BPTF: variants seen among roughly 807,000 people sequenced by gnomAD.
BPTF encodes the protein bromodomain PHD finger transcription factor, also known as nucleosome-remodeling factor subunit BPTF.
BPTF carries 18 observed loss-of-function variants against 292.5 expected under a neutral mutation model. That is an observed-to-expected ratio of 0.06 (90% CI 0.04 to 0.09). BPTF has a LOEUF of 0.09. BPTF is among the 10% of genes least tolerant of loss of function. The pLI, the probability that BPTF is intolerant of heterozygous loss-of-function variation, is 1.00. For synonymous variants in BPTF, 1,225 were observed against 1,251.9 expected (o/e 0.98, Z 0.45); for missense variants, 2,726 against 3,498.7 (o/e 0.78, Z 5.57).
At chr17:67,922,272 G>A (rs2063504607) in intron 13 of BPTF, among the ~76,000 whole-genome samples, 2 of 152,122 alleles carry the variant, frequency 1.3e-5, no homozygotes, top group East Asian at 1.9e-4. Context: ...ATATGGGAAG[G>A]TTCAATGCTT....
intron 26 of BPTF, 24 bp from the exon 27 acceptor site, chr17:67,975,748 T>C (rs2069332579): frequency 1.9e-6 from 3 of 1,584,618 alleles, no homozygotes; most frequent in African/African-American, 1.4e-5. Flanking sequence ...GCTCTGAAAA[T>C]GTTTTACATT....
In BPTF at chr17:67,874,951, G is replaced by T; in HGVS notation, c.1795G>T (p.Asp599Tyr). Residue 599 changes from aspartate to tyrosine, a missense_variant, in exon 4 of 28, where the codon GAC becomes TAC. Asp to Tyr is a radical substitution (Grantham distance 160). Around this residue, in one of 22 missense-constraint regions of BPTF, gnomAD observed 187 missense variants for 201.5 expected, o/e 0.93. Transcript: ENST00000306378. ...DAEKNREEFEDQSLEKDSDDK... is the reference protein window; with the variant it reads ...DAEKNREEFEYQSLEKDSDDK... ...TGAGAAAAACAGAGAAGAATTTGAA[G>T]ACCAGTCCCTTGAAAAAGACAGTGA... The T allele has an allele frequency of 6.2e-7, 1 of 1,613,802 alleles. No homozygotes were observed. The highest frequency in any genetic ancestry group is 1.1e-5 in the South Asian group (1 of 91,032).
At chr17:67,843,642 A>G (rs2057758331) in intron 1 of BPTF, among the ~76,000 whole-genome samples, 1 of 150,046 alleles carries the variant, frequency 6.7e-6, no homozygotes, top group African/African-American at 2.4e-5. Context: ...ATATACAGAA[A>G]AGCTTAGTTA....
At chr17:67,885,821 A>T (rs921524842) in intron 4 of BPTF, among the ~76,000 whole-genome samples, 1 of 152,172 alleles carries the variant, frequency 6.6e-6, no homozygotes, top group East Asian at 1.9e-4. Flanking sequence ...TCACTTGGTT[A>T]TTCTCCAGCT....
At position 67,825,868 on chromosome 17, in the gene BPTF, G is replaced by A. The variant is rs2055945203; in HGVS notation, c.144G>A (p.Arg48=). 2 of 1,013,928 alleles carry A rather than the reference G, an allele frequency of 2.0e-6. No homozygotes were observed. The highest frequency in any genetic ancestry group is 5.9e-5 in the Admixed American group (1 of 16,998). 62.8% of individuals were successfully genotyped at this position (1,013,928 alleles called of 1,614,324 possible). A position where few individuals can be genotyped will look rare whatever the true frequency, so the allele number is the denominator to read the frequency against. The change falls in exon 1 of 28, where the codon CGG becomes CGA. Residue 48 remains arginine (R), a synonymous_variant. Transcript: ENST00000306378. ...GLRSRHRGSS[R]GRWAAAQAEV... is the part of the protein sequence containing the mutation. ...GCTCGCGGCACCGCGGCAGCAGCCG[G>A]GGCAGGTGGGCCGCCGCCCAGGCTG... is the stretch of plus-strand genomic sequence containing the variant.
At chr17:67,925,051 GTTTTTTTTT>G (rs59056539) in intron 15 of BPTF, among the ~76,000 whole-genome samples, 14 of 126,136 alleles carry the variant, frequency 1.1e-4, no homozygotes, top group African/African-American at 4.1e-4. Context: ...ACCCATCCAG[GTTTTTTTTT>G]TTTTTTTTTT....
intron 24 of BPTF, among the ~76,000 whole-genome samples, chr17:67,961,666 G>A (rs1410582878): frequency 6.6e-6 from 1 of 152,026 alleles, no homozygotes; most frequent in Admixed American, 6.6e-5. Context: ...GGGCAACATA[G>A]AGAGACCCCG....
intron 18 of BPTF, 35 bp from the exon 19 acceptor site, chr17:67,940,404 G>T: frequency 6.4e-7 from 1 of 1,571,508 alleles, no homozygotes; most frequent in Non-Finnish European, 8.7e-7. Context: ...TGCCAAGGGT[G>T]TATAAGCATT....
chr17:67,929,206 C>T, intron 16 of BPTF, 130 bp from the exon 17 acceptor site: 2 of 1,434,094 alleles, frequency 1.4e-6, no homozygotes. Flanking sequence ...GATTTCAGTC[C>T]TCGGATCTCA....
chr17:67,913,357 A>T (rs62085989), intron 11 of BPTF, among the ~76,000 whole-genome samples, 170 bp downstream of exon 11: 152,319 of 152,322 alleles, frequency 1, 76,158 homozygotes, highest in Non-Finnish European at 1. Flanking sequence ...TTGGCCAACT[A>T]ATGTACTAAA....
intron 25 of BPTF, chr17:67,965,811 CTT>C (rs1316881518): frequency 1.3e-5 from 2 of 151,922 alleles, no homozygotes; most frequent in Non-Finnish European, 2.9e-5. Context: ...AATCCCAACA[CTT>C]TGGGAGGCCA....
intron 4 of BPTF, among the ~76,000 whole-genome samples, chr17:67,882,745 G>C (rs1249630627): frequency 6.6e-6 from 1 of 152,152 alleles, no homozygotes; most frequent in South Asian, 2.1e-4. Context: ...GGTGGCTGAC[G>C]CCTGTAATCC....
chr17:67,966,182 C>T (rs6504561), intron 25 of BPTF: 160,993 of 171,338 alleles, frequency 0.94, 76,496 homozygotes, highest in East Asian at 1. Flanking sequence ...TGAATGTTAT[C>T]TAACATCACG....
intron 4 of BPTF, chr17:67,875,683 C>T (rs372936943): frequency 1.9e-6 from 3 of 1,606,710 alleles, no homozygotes; most frequent in African/African-American, 2.7e-5. Flanking sequence ...TCTCAGAAAC[C>T]CCCGATAGCA....
At chr17:67,939,437 C>A (rs2065186207) in intron 18 of BPTF, among the ~76,000 whole-genome samples, 1 of 152,184 alleles carries the variant, frequency 6.6e-6, no homozygotes, top group South Asian at 2.1e-4. Flanking sequence ...AAAAATTATT[C>A]TTAGCAACTG....
At chr17:67,945,229 G>C (rs1268295875) in intron 20 of BPTF, among the ~76,000 whole-genome samples, 180 bp from the exon 21 acceptor site, 1 of 151,722 alleles carries the variant, frequency 6.6e-6, no homozygotes, top group Non-Finnish European at 1.5e-5. Flanking sequence ...TTTTTGTGTA[G>C]AGACGGGGTC....
At chr17:67,925,872 T>C (rs2063828786) in intron 15 of BPTF, among the ~76,000 whole-genome samples, 1 of 152,106 alleles carries the variant, frequency 6.6e-6, no homozygotes, top group Non-Finnish European at 1.5e-5. Flanking sequence ...CTATGTATGA[T>C]GCTGTCTGTC....
At chr17:67,917,131 C>CCTTTTTTTTTTTTT (rs2063065953) in intron 11 of BPTF, among the ~76,000 whole-genome samples, 16 of 105,804 alleles carry the variant, frequency 1.5e-4, no homozygotes, top group Admixed American at 5.3e-4. Flanking sequence ...TGGTATTGTC[C>CCTTTTTTTTTTTTT]TTTTTTTTTT....
chr17:67,982,205 C>A lies in BPTF; in HGVS notation c.8727-47C>A, dbSNP rs369726104. ...CATCCGCATAAAGCATCATTGTTTT[C>A]AAAAATGAAGGGTGCTTAATTGTTC... On this transcript the variant is annotated intron_variant, in intron 27 of 27. Transcript: ENST00000306378. The A allele has an allele frequency of 3.3e-3, 5,222 of 1,565,772 alleles. 14 individuals are homozygous for A. Among genetic ancestry groups the A allele is most frequent in the Non-Finnish European group, 4.1e-3 (4,662 of 1,137,596 alleles).
Sources: gnomAD v4.1 joint callset for allele counts (sites outside exome capture counted in the v4.1 genomes callset) on GRCh38, gnomAD v4.1.1 for gene constraint, gnomAD v4.1.1 regional missense constraint, MANE v1.5 for transcripts, NCBI Gene and HGNC (gene_info 2026-07-23, HGNC 2026-07-21) for gene names.